The following ANKS1B variants were observed in gnomAD, a reference collection of about 807,000 sequenced individuals.
ANKS1B encodes ankyrin repeat and sterile alpha motif domain-containing protein 1B.
In ANKS1B, 36 loss-of-function variants were observed where a neutral mutation model predicts 148.3. The ratio of observed to expected loss-of-function variants is 0.24; its 90% CI spans 0.19 to 0.32. The LOEUF (loss-of-function observed/expected upper bound fraction) is 0.32, where lower values mean the gene tolerates loss of function less well. ANKS1B is among the 10% of genes least tolerant of loss of function. ANKS1B has a pLI of 1.00. For synonymous variants in ANKS1B, 542 were observed against 560.8 expected, an observed-to-expected ratio of 0.97 and a Z score of 0.47; for missense variants, 1,157 against 1,542.6, an observed-to-expected ratio of 0.75 and a Z score of 4.19.
intron 8 of ANKS1B, among the ~76,000 whole-genome samples, chr12:99,744,499 C>A (rs751266617): frequency 6.6e-6 from 1 of 152,218 alleles, no homozygotes; most frequent in Non-Finnish European, 1.5e-5. Flanking sequence ...TTCAGATTAA[C>A]TTCTGAAGGA....
intron 1 of ANKS1B, among the ~76,000 whole-genome samples, chr12:99,827,921 C>G (rs535643416): frequency 7.2e-5 from 11 of 152,086 alleles, no homozygotes; most frequent in African/African-American, 2.4e-4. Context: ...ACCATATAAT[C>G]CAGTCATTCC....
intron 24 of ANKS1B, among the ~76,000 whole-genome samples, chr12:98,775,486 T>A (rs993649216): frequency 6.6e-6 from 1 of 152,170 alleles, no homozygotes; most frequent in South Asian, 2.1e-4. Flanking sequence ...GGTCTTGCTC[T>A]GTTGCCCAGG....
chr12:99,604,815 CAAAAAAA>C (rs150262116), intron 9 of ANKS1B, among the ~76,000 whole-genome samples: 3 of 81,108 alleles, frequency 3.7e-5, no homozygotes, highest in Admixed American at 2.5e-4. Context: ...AACTCTATCT[CAAAAAAA>C]AAAAAAAAAA....
At chr12:99,890,850 A>G (rs2093065241) in intron 1 of ANKS1B, among the ~76,000 whole-genome samples, 1 of 152,112 alleles carries the variant, frequency 6.6e-6, no homozygotes, top group Non-Finnish European at 1.5e-5. Flanking sequence ...AGAAGTTAGC[A>G]CTAGGTGAGC....
intron 10 of ANKS1B, among the ~76,000 whole-genome samples, chr12:99,471,347 T>C (rs192461017): frequency 6.6e-6 from 1 of 152,058 alleles, no homozygotes; most frequent in South Asian, 2.1e-4. Flanking sequence ...CAAAAGTACC[T>C]AGTTATTATA....
chr12:98,888,570 G>C (rs1311922346), intron 17 of ANKS1B, among the ~76,000 whole-genome samples: 4 of 152,216 alleles, frequency 2.6e-5, no homozygotes, highest in African/African-American at 4.8e-5. Flanking sequence ...GCTGACCTGA[G>C]CTGACCGGGA....
At chr12:99,853,537 G>A (rs1355628107) in intron 1 of ANKS1B, among the ~76,000 whole-genome samples, 1 of 152,142 alleles carries the variant, frequency 6.6e-6, no homozygotes, top group Non-Finnish European at 1.5e-5. Flanking sequence ...GGAAGGGGGA[G>A]AGCACCACAT....
intron 11 of ANKS1B, among the ~76,000 whole-genome samples, chr12:99,421,969 G>A (rs1433404697): frequency 6.6e-6 from 1 of 152,160 alleles, no homozygotes; most frequent in Non-Finnish European, 1.5e-5. Flanking sequence ...TGATGTGCCT[G>A]CTTGCACTTC....
At chr12:98,865,655 G>A (rs1442109868) in intron 17 of ANKS1B, among the ~76,000 whole-genome samples, 2 of 152,102 alleles carry the variant, frequency 1.3e-5, no homozygotes, top group Non-Finnish European at 2.9e-5. Context: ...GTGTTGGTGG[G>A]GAGGTGGAGT....
chr12:99,769,982 A>G (rs1345310546), intron 8 of ANKS1B, among the ~76,000 whole-genome samples: 1 of 152,136 alleles, frequency 6.6e-6, no homozygotes, highest in African/African-American at 2.4e-5. Flanking sequence ...GTCTCTCCCT[A>G]CCTCCACAAA....
At chr12:99,900,948 C>G (rs1054280823) in intron 1 of ANKS1B, among the ~76,000 whole-genome samples, 1 of 152,180 alleles carries the variant, frequency 6.6e-6, no homozygotes, top group Admixed American at 6.5e-5. Context: ...TTCTCTGTAA[C>G]TATACTTTTT....
In ANKS1B at chr12:99,845,072, C is replaced by A. The variant is rs148677669; in HGVS notation, c.135-19683G>T. ...TGTATAGGAATGCTAACTATTTTTG[C>A]ACAATGATTTTGCATCCTGAGACTG... On this transcript the variant is annotated intron_variant, in intron 1 of 26. Transcript: ENST00000683438. 7.9e-3 allele frequency among the ~76,000 whole-genome samples: 1,196 copies of A among 152,256 alleles called. 15 individuals are homozygous for A. Among genetic ancestry groups the A allele is most frequent in the African/African-American group, 0.027 (1,130 of 41,536 alleles).
intron 9 of ANKS1B, among the ~76,000 whole-genome samples, chr12:99,579,642 C>T (rs1356201347): frequency 1.3e-5 from 2 of 152,148 alleles, no homozygotes; most frequent in Non-Finnish European, 2.9e-5. Context: ...ATCAAAACCA[C>T]ACTGAAATAC....
chr12:99,664,942 A>G (rs543185052), intron 8 of ANKS1B, among the ~76,000 whole-genome samples: 1 of 152,204 alleles, frequency 6.6e-6, no homozygotes, highest in Non-Finnish European at 1.5e-5. Flanking sequence ...CTACTTTTGC[A>G]TATCAGTAGT....
chr12:98,905,869 T>C (rs890926372), intron 17 of ANKS1B, among the ~76,000 whole-genome samples: 8 of 152,050 alleles, frequency 5.3e-5, no homozygotes, highest in African/African-American at 1.9e-4. Context: ...ATGAAAAGAA[T>C]AGAAGAATGG....
intron 9 of ANKS1B, among the ~76,000 whole-genome samples, chr12:99,583,357 A>G (rs1182303380): frequency 1.3e-5 from 2 of 152,216 alleles, no homozygotes; most frequent in East Asian, 1.9e-4. Context: ...GGTCTTCAGG[A>G]TAGAATGGGG....
At chr12:99,194,712 T>A (rs1224454008) in intron 14 of ANKS1B, among the ~76,000 whole-genome samples, 1 of 152,132 alleles carries the variant, frequency 6.6e-6, no homozygotes, top group African/African-American at 2.4e-5. Flanking sequence ...TAAGCAATTA[T>A]TGTTTGATAT....
intron 16 of ANKS1B, among the ~76,000 whole-genome samples, chr12:99,059,788 C>CATATATATATATATATACATATATATAT (rs2041729484): frequency 1.1e-5 from 1 of 90,322 alleles, no homozygotes; most frequent in Admixed American, 1.4e-4. Flanking sequence ...AACTAAAATT[C>CATATATATATATATATACATATATATAT]ATATATATAT....
intron 9 of ANKS1B, among the ~76,000 whole-genome samples, chr12:99,534,789 A>C (rs2097047327): frequency 6.9e-6 from 1 of 144,590 alleles, no homozygotes; most frequent in African/African-American, 2.6e-5. Context: ...GGCTCACTGC[A>C]AGCTCCACCT....
Sources: gnomAD v4.1 joint callset for allele counts (sites outside exome capture counted in the v4.1 genomes callset) on GRCh38, gnomAD v4.1.1 for gene constraint, MANE v1.5 for transcripts, NCBI Gene and HGNC (gene_info 2026-07-23, HGNC 2026-07-21) for gene names.